The following PABIR2 variants were observed in gnomAD, a reference collection of about 807,000 sequenced individuals.
PABIR2 encodes family with sequence similarity 122B.
Under a neutral mutation model 22.8 loss-of-function variants are expected in PABIR2, and 7 were observed. The ratio of observed to expected loss-of-function variants is 0.31; its 90% CI spans 0.17 to 0.58. The LOEUF is 0.58. PABIR2 is among the 20% of genes least tolerant of loss of function. The pLI, the probability that PABIR2 is intolerant of heterozygous loss-of-function variation, is 0.89. For synonymous variants in PABIR2, 67 were observed against 73.8 expected (o/e 0.91, Z 0.47); for missense variants, 155 against 205.1 (o/e 0.76, Z 1.49).
chrX:134,779,563 A>G (rs1432623187), intron 9 of PABIR2, among the ~76,000 whole-genome samples: 1 of 112,036 alleles, frequency 8.9e-6, no homozygotes, highest in Non-Finnish European at 1.9e-5. Flanking sequence ...ACTGCTAGAG[A>G]TGGTTTAGGT....
At chrX:134,772,883 A>G (rs2078872815) in intron 9 of PABIR2, among the ~76,000 whole-genome samples, 1 of 111,676 alleles carries the variant, frequency 9.0e-6, no homozygotes, top group Admixed American at 9.6e-5. Context: ...CCAAAGGTCT[A>G]TTTCTAGAAG....
At chrX:134,786,007 C>T (rs1269709230) in intron 7 of PABIR2, 57 bp from the exon 8 acceptor site, 8 of 1,024,681 alleles carry the variant, frequency 7.8e-6, no homozygotes, top group Non-Finnish European at 1.1e-5. Flanking sequence ...CAAGATAAAA[C>T]AGCAGTCCAG....
Position 134,781,759 on chromosome X carries a change from A to G in PABIR2, c.659+62T>C, listed in dbSNP as rs2079161875. ...TTTAAATTATCCCAATATACTTTCA[A>G]TGTGGCTCTTTTAAAATGGATTATA... On this transcript the variant is annotated intron_variant, in intron 9 of 9. Coordinates refer to ENST00000343004, the MANE Select transcript of PABIR2 (RefSeq NM_001387468.1). 3 of 773,473 alleles carry G rather than the reference A, an allele frequency of 3.9e-6. No individual in the cohort carries two copies. The Admixed American group carries it at 1.0e-4, about 26-fold the overall frequency. The allele number at this position is 773,473 out of a possible 1,213,427, so 63.7% of individuals were successfully genotyped here. A position where few individuals can be genotyped will look rare whatever the true frequency, so the allele number is the denominator to read the frequency against.
At chrX:134,788,456 T>C (rs1293266152) in intron 6 of PABIR2, among the ~76,000 whole-genome samples, 2 of 93,081 alleles carry the variant, frequency 2.1e-5, no homozygotes, top group Non-Finnish European at 3.8e-5. Context: ...GTGTTATATA[T>C]GTTATATATG....
intron 2 of PABIR2, among the ~76,000 whole-genome samples, chrX:134,789,841 T>G (rs1314380927): frequency 8.9e-6 from 1 of 112,255 alleles, no homozygotes; most frequent in East Asian, 2.8e-4. Flanking sequence ...AAGCGCCATC[T>G]GTTGCTAGAC....
At position 134,785,907 on chromosome X, in the gene PABIR2, G is replaced by C. The variant is rs199830030; in HGVS notation, c.541C>G (p.Leu181Val). The part of the protein sequence containing the change: ...SPVKCIRPSV[L>V]GPLKRKGEME... ...ATACCTTTTCTTTTAAGAGGACCAAGAACACTGGGTCTAATGCACTTGACT... is the reference window on the plus strand; with the variant it reads ...ATACCTTTTCTTTTAAGAGGACCAACAACACTGGGTCTAATGCACTTGACT... The change falls in exon 8 of 10, where the codon CTT becomes GTT. Residue 181 changes from leucine to valine, a missense_variant. Leu to Val is a conservative substitution (Grantham distance 32). Coordinates refer to ENST00000343004, the MANE Select transcript of PABIR2 (RefSeq NM_001387468.1). 1 of 1,211,319 alleles carries C rather than the reference G, an allele frequency of 8.3e-7. No homozygotes were observed. The highest frequency in any genetic ancestry group is 1.1e-6 in the Non-Finnish European group (1 of 895,144).
rs1379296292 is a variant in PABIR2 at position 134,771,592 on chromosome X, C to T, written c.*547G>A. On this transcript the variant is annotated 3_prime_UTR_variant, in exon 10 of 10. Transcript: ENST00000343004. ...TCCCCTCTGTGAGAAATGGCATAAG[C>T]GGCTCAAACAGGAAAGGGAAACAAA... The T allele has an allele frequency of 4.4e-6, 4 of 907,244 alleles. No individual in the cohort carries two copies. The highest frequency in any genetic ancestry group is 4.1e-6 in the Non-Finnish European group (3 of 737,572). The allele number at this position is 907,244 out of a possible 1,213,427, so 74.8% of individuals were successfully genotyped here. A position where few individuals can be genotyped will look rare whatever the true frequency, so the allele number is the denominator to read the frequency against.
chrX:134,791,779 G>A, intron 2 of PABIR2: 1 of 276,176 alleles, frequency 3.6e-6, no homozygotes. Context: ...GAAGCGGACA[G>A]AATCTTTTAA....
chrX:134,781,331 T>A (rs1273873626), intron 9 of PABIR2, among the ~76,000 whole-genome samples: 1 of 112,643 alleles, frequency 8.9e-6, no homozygotes, highest in Non-Finnish European at 1.9e-5. Flanking sequence ...TTGGACAATT[T>A]TGATGGTAAG....
At chrX:134,777,348 G>A (rs1291767447) in intron 9 of PABIR2, among the ~76,000 whole-genome samples, 1 of 110,798 alleles carries the variant, frequency 9.0e-6, no homozygotes, top group Non-Finnish European at 1.9e-5. Context: ...GCAACATGGC[G>A]AAACCCGGTC....
At position 134,769,713 on chromosome X, in the gene PABIR2, T is replaced by C. The variant is rs1411092944; in HGVS notation, c.*2426A>G. 2 of 112,155 alleles carry C rather than the reference T, an allele frequency of 1.8e-5. No homozygotes were observed. The highest frequency in any genetic ancestry group is 2.8e-4 in the East Asian group (1 of 3,581). 9.2% of individuals were successfully genotyped at this position (112,155 alleles called of 1,213,427 possible). Reference sequence around the variant, plus strand: ...TCAATCAAGCAAAAAACATTATCTATAGGGTTGTATCATATCATCTCTTAT... The same window carrying C: ...TCAATCAAGCAAAAAACATTATCTACAGGGTTGTATCATATCATCTCTTAT... On this transcript the variant is annotated 3_prime_UTR_variant, in exon 10 of 10. Coordinates refer to ENST00000343004, the MANE Select transcript of PABIR2 (RefSeq NM_001387468.1).
In PABIR2 at chrX:134,769,854, C is replaced by T. The variant is rs1170244335; in HGVS notation, c.*2285G>A. 8.9e-6 allele frequency: 1 copy of T among 111,925 alleles called. No homozygotes were observed. The highest frequency in any genetic ancestry group is 1.9e-5 in the Non-Finnish European group (1 of 53,100). The allele number at this position is 111,925 out of a possible 1,213,427, so 9.2% of individuals were successfully genotyped here. A position where few individuals can be genotyped will look rare whatever the true frequency, so the allele number is the denominator to read the frequency against. On this transcript the variant is annotated 3_prime_UTR_variant, in exon 10 of 10. Transcript: ENST00000343004. ...AGACTTTATATAAAAATAAAGGGGTCTTAACAAAGTTCATCTGTGAGTTAG... is the reference window on the plus strand; with the variant it reads ...AGACTTTATATAAAAATAAAGGGGTTTTAACAAAGTTCATCTGTGAGTTAG...
At chrX:134,776,306 G>C (rs1156979749) in intron 9 of PABIR2, among the ~76,000 whole-genome samples, 1 of 111,789 alleles carries the variant, frequency 8.9e-6, no homozygotes, top group South Asian at 3.8e-4. Flanking sequence ...GAAGCACGGG[G>C]TAAGGAAATT....
Position 134,771,219 on chromosome X carries a change from T to C in PABIR2, c.*920A>G. ...GTACCCCAAGGCACCTGAGGCCTCATAATACCACTCGAGACACTGACAGCT... is the reference window on the plus strand; with the variant it reads ...GTACCCCAAGGCACCTGAGGCCTCACAATACCACTCGAGACACTGACAGCT... On this transcript the variant is annotated 3_prime_UTR_variant, in exon 10 of 10. Transcript: ENST00000343004. 9.5e-7 allele frequency: 1 copy of C among 1,055,182 alleles called. No homozygotes were observed. The highest frequency in any genetic ancestry group is 1.2e-6 in the Non-Finnish European group (1 of 802,041). The allele number at this position is 1,055,182 out of a possible 1,213,427, so 87.0% of individuals were successfully genotyped here.
chrX:134,781,307 T>G (rs112879265), intron 9 of PABIR2, among the ~76,000 whole-genome samples: 2 of 113,060 alleles, frequency 1.8e-5, no homozygotes, highest in East Asian at 5.5e-4. Flanking sequence ...TGAAAATATT[T>G]TAAATTAGAA....
intron 7 of PABIR2, 85 bp from the exon 8 acceptor site, chrX:134,786,035 TA>T: frequency 1.2e-6 from 1 of 839,632 alleles, no homozygotes; most frequent in South Asian, 2.2e-5. Flanking sequence ...AATACATAAA[TA>T]AAATGGACAA....
At chrX:134,776,968 G>T (rs990727935) in intron 9 of PABIR2, among the ~76,000 whole-genome samples, 1 of 112,101 alleles carries the variant, frequency 8.9e-6, no homozygotes, top group African/African-American at 3.2e-5. Context: ...TAAGATATCC[G>T]GTTTGATTCA....
intron 1 of PABIR2, 115 bp from the exon 2 acceptor site, chrX:134,794,008 T>C: frequency 2.7e-6 from 3 of 1,112,548 alleles, no homozygotes; most frequent in Non-Finnish European, 3.5e-6. Flanking sequence ...AAATCTTCCA[T>C]GGCTCCTCAT....
At chrX:134,778,500 G>A (rs1286761530) in intron 9 of PABIR2, among the ~76,000 whole-genome samples, 55 of 82,368 alleles carry the variant, frequency 6.7e-4, no homozygotes, top group Middle Eastern at 7.8e-3. Context: ...GCGAAACTCC[G>A]TCTCAAAAAA....
Sources: allele counts gnomAD v4.1 joint callset (sites outside exome capture counted in the v4.1 genomes callset), GRCh38; gene constraint gnomAD v4.1.1; transcripts MANE v1.5; gene names NCBI Gene and HGNC (gene_info 2026-07-23, HGNC 2026-07-21).